Variants in SNX13 observed in about 807,000 individuals in gnomAD.
SNX13 encodes the protein sorting nexin 13.
SNX13 carries 45 observed loss-of-function variants against 133.6 expected under a neutral mutation model. That is an observed-to-expected ratio of 0.34 (90% confidence interval 0.27 to 0.43). SNX13 has a LOEUF of 0.43. Among genes scored for constraint, SNX13 ranks in the 20% least tolerant of loss-of-function variants. The probability of loss-of-function intolerance (pLI) is 1.00; values close to 1 mark genes in which losing one functional copy is unlikely to be tolerated. For missense variants in SNX13, 1,032 were observed against 1,145.1 expected (o/e 0.90, Z 1.43); for synonymous variants, 414 against 373.9 (o/e 1.11, Z -1.24).
intron 1 of SNX13, among the ~76,000 whole-genome samples, chr7:17,925,570 A>C (rs1199942271): frequency 1.3e-5 from 2 of 152,254 alleles, no homozygotes; most frequent in Non-Finnish European, 2.9e-5. Flanking sequence ...CTAAAAAATA[A>C]GTAATTTAAA....
chr7:17,798,631 G>C, intron 24 of SNX13, 59 bp downstream of exon 24: 3 of 1,268,450 alleles, frequency 2.4e-6, no homozygotes, highest in Non-Finnish European at 2.2e-6. Context: ...AAGTTAATTA[G>C]TGATAACAAT....
At chr7:17,875,441 C>T in intron 7 of SNX13, 39 bp downstream of exon 7, 1 of 1,547,782 alleles carries the variant, frequency 6.5e-7, no homozygotes, top group East Asian at 2.3e-5. Context: ...TTGACTCTAG[C>T]CAGCTACTAT....
intron 6 of SNX13, 29 bp downstream of exon 6, chr7:17,875,640 C>T (rs775114063): frequency 7.5e-6 from 12 of 1,605,782 alleles, no homozygotes; most frequent in South Asian, 3.3e-5. Flanking sequence ...TTTTCAAATC[C>T]TAGTTTTCAA....
Position 17,897,443 on chromosome 7 carries a change from TG to T in SNX13, c.15del (p.Ser6ValfsTer16). 1 of 1,545,972 alleles carries T rather than the reference TG, an allele frequency of 6.5e-7. No homozygotes were observed. The highest frequency in any genetic ancestry group is 8.8e-7 in the Non-Finnish European group (1 of 1,139,592). Reference protein sequence around the residue: MLTEASLSIWGWGSL... With the variant: MLTEXSLSIWGWGSL... The stretch of plus-strand genomic sequence containing the variant: ...CTTCCCCATCCCCATATGGATAGAC[TG>T]GCCTGAAATACAGAAAAAATATAAG... On this transcript the variant is annotated frameshift_variant and splice_region_variant, in exon 2 of 26. Coordinates refer to ENST00000428135, the MANE Select transcript of SNX13 (RefSeq NM_015132.5). LOFTEE classifies it high-confidence loss of function.
rs572327551 is a variant in SNX13, at chr7:17,818,119, A to G, written c.1846-1830T>C. On this transcript the variant is annotated intron_variant, in intron 18 of 25. Coordinates refer to ENST00000428135, the MANE Select transcript of SNX13 (RefSeq NM_015132.5). Reference sequence around the variant, plus strand: ...CATGTAGGGACATGGCAAGAACCCTACCATCTACAAGCCAAGAAGCGAGGC... The same window carrying G: ...CATGTAGGGACATGGCAAGAACCCTGCCATCTACAAGCCAAGAAGCGAGGC... Among the ~76,000 whole-genome samples, 563 of 152,276 alleles carry G rather than the reference A, an allele frequency of 3.7e-3. 5 individuals are homozygous for G. The highest frequency in any genetic ancestry group is 0.013 in the African/African-American group (537 of 41,558).
chr7:17,921,190 C>T (rs1232775131), intron 1 of SNX13, among the ~76,000 whole-genome samples: 1 of 152,156 alleles, frequency 6.6e-6, no homozygotes, highest in Non-Finnish European at 1.5e-5. Context: ...TCTGGACTGA[C>T]TCCTAAGAAC....
intron 12 of SNX13, 47 bp from the exon 13 acceptor site, chr7:17,840,047 T>G (rs1789691256): frequency 1.3e-6 from 2 of 1,512,728 alleles, no homozygotes; most frequent in African/African-American, 1.4e-5. Context: ...TGTCACACAA[T>G]TTGGGGTCCA....
At chr7:17,905,260 A>C (rs1798268133) in intron 1 of SNX13, among the ~76,000 whole-genome samples, 1 of 152,132 alleles carries the variant, frequency 6.6e-6, no homozygotes, top group Non-Finnish European at 1.5e-5. Context: ...CTGTCCTCCA[A>C]CCCAATTATT....
intron 1 of SNX13, among the ~76,000 whole-genome samples, chr7:17,906,217 G>A (rs1798381311): frequency 6.6e-6 from 1 of 152,004 alleles, no homozygotes; most frequent in Non-Finnish European, 1.5e-5. Context: ...ACTTATCAGT[G>A]CCCAAAAGAA....
chr7:17,912,238 G>T (rs529593282), intron 1 of SNX13, among the ~76,000 whole-genome samples: 84 of 152,242 alleles, frequency 5.5e-4, no homozygotes, highest in African/African-American at 1.9e-3. Flanking sequence ...GGGACAGTCA[G>T]TATCCCTCTG....
chr7:17,899,005 A>G (rs1797526875), intron 1 of SNX13: 1 of 152,256 alleles, frequency 6.6e-6, no homozygotes, highest in Admixed American at 6.5e-5. Context: ...TTTCACCTAC[A>G]GAAGTGTCCT....
intron 1 of SNX13, among the ~76,000 whole-genome samples, chr7:17,904,879 T>A (rs757217287): frequency 2.6e-5 from 4 of 152,200 alleles, no homozygotes; most frequent in Admixed American, 1.3e-4. Context: ...AATGTGCTCC[T>A]GATGTGGAAC....
At chr7:17,832,402 A>AT in intron 15 of SNX13, 1 of 984,608 alleles carries the variant, frequency 1.0e-6, no homozygotes, top group Non-Finnish European at 1.2e-6. Context: ...ACCAGTTTAA[A>AT]TTACACATTA....
At chr7:17,907,742 A>C (rs1043486938) in intron 1 of SNX13, among the ~76,000 whole-genome samples, 4 of 152,180 alleles carry the variant, frequency 2.6e-5, no homozygotes, top group Non-Finnish European at 5.9e-5. Context: ...ATTTTGATTA[A>C]AGTTGGGAAA....
chr7:17,815,079 C>T (rs1786509334), intron 19 of SNX13, 135 bp from the exon 20 acceptor site: 1 of 952,160 alleles, frequency 1.1e-6, no homozygotes, highest in Admixed American at 4.2e-5. Context: ...TTTAAAAACC[C>T]AATTATACAG....
intron 9 of SNX13, among the ~76,000 whole-genome samples, chr7:17,867,906 TAA>T (rs1044956527): frequency 2.0e-4 from 30 of 152,114 alleles, no homozygotes; most frequent in African/African-American, 7.2e-4. Context: ...TAGTAATAAC[TAA>T]GTCTTTGATA....
intron 9 of SNX13, 31 bp downstream of exon 9, chr7:17,868,376 A>T: frequency 6.7e-7 from 1 of 1,493,952 alleles, no homozygotes; most frequent in Non-Finnish European, 9.2e-7. Flanking sequence ...ATTATTTCTA[A>T]AACAGAGTTG....
At chr7:17,892,160 A>G (rs971813176) in intron 3 of SNX13, among the ~76,000 whole-genome samples, 1 of 152,136 alleles carries the variant, frequency 6.6e-6, no homozygotes, top group Non-Finnish European at 1.5e-5. Flanking sequence ...TCTTAAAAAA[A>G]CAAACCATAA....
At chr7:17,926,295 A>G (rs1468371674) in intron 1 of SNX13, among the ~76,000 whole-genome samples, 1 of 152,164 alleles carries the variant, frequency 6.6e-6, no homozygotes, top group Non-Finnish European at 1.5e-5. Flanking sequence ...TAAATTAGGA[A>G]TATTTTTCCC....
Sources: allele counts gnomAD v4.1 joint callset (sites outside exome capture counted in the v4.1 genomes callset), GRCh38; gene constraint gnomAD v4.1.1; transcripts MANE v1.5; gene names NCBI Gene and HGNC (gene_info 2026-07-23, HGNC 2026-07-21).